The following GPR176 variants were observed in gnomAD, a reference collection of about 807,000 sequenced individuals.
The protein encoded by GPR176 is G protein-coupled receptor 176.
GPR176 carries 26 observed loss-of-function variants against 35.4 expected under a neutral mutation model. The observed-to-expected ratio is 0.74, with a 90% confidence interval of 0.54 to 1.02. The LOEUF is 1.02. Ranked by LOEUF, GPR176 falls within the 50% of genes least tolerant of loss-of-function variation. The pLI is 0.00. For missense variants in GPR176, 597 were observed against 665.3 expected, an observed-to-expected ratio of 0.90 and a Z score of 1.13; for synonymous variants, 278 against 271.3, an observed-to-expected ratio of 1.02 and a Z score of -0.24.
intron 1 of GPR176, among the ~76,000 whole-genome samples, chr15:39,878,974 G>A (rs556966637): frequency 2.3e-4 from 35 of 152,242 alleles, no homozygotes; most frequent in Non-Finnish European, 2.2e-4. Context: ...GAGAGTAGGC[G>A]TTGCTGGATG....
At chr15:39,834,673 C>T (rs1352825933) in intron 1 of GPR176, among the ~76,000 whole-genome samples, 1 of 152,130 alleles carries the variant, frequency 6.6e-6, no homozygotes, top group Non-Finnish European at 1.5e-5. Flanking sequence ...GTGAAGTAAT[C>T]CAAGCACAGA....
intron 1 of GPR176, among the ~76,000 whole-genome samples, chr15:39,859,155 T>C (rs939835900): frequency 2.6e-5 from 4 of 152,106 alleles, no homozygotes; most frequent in East Asian, 1.9e-4. Context: ...TAAAAGATTA[T>C]AAAATGAGTA....
chr15:39,919,040 T>C (rs890248593), intron 1 of GPR176, among the ~76,000 whole-genome samples: 3 of 152,182 alleles, frequency 2.0e-5, no homozygotes, highest in African/African-American at 4.8e-5. Flanking sequence ...GAAATGAATA[T>C]TGCTTGTATC....
intron 1 of GPR176, chr15:39,862,501 C>T (rs2031643359): frequency 6.6e-6 from 1 of 152,212 alleles, no homozygotes; most frequent in Admixed American, 6.5e-5. Flanking sequence ...AGGTCACACA[C>T]TTGCAACAAT....
chr15:39,852,841 A>G (rs925750324), intron 1 of GPR176, among the ~76,000 whole-genome samples: 8 of 152,292 alleles, frequency 5.3e-5, no homozygotes, highest in African/African-American at 1.9e-4. Flanking sequence ...TTTGGCACAT[A>G]ATAGGCACTC....
chr15:39,803,933 T>C (rs1899041921), intron 2 of GPR176, among the ~76,000 whole-genome samples: 1 of 152,162 alleles, frequency 6.6e-6, no homozygotes, highest in African/African-American at 2.4e-5. Context: ...GTTCTAGATT[T>C]CTTTCTGGGA....
chr15:39,838,659 A>T (rs1201189654), intron 1 of GPR176, among the ~76,000 whole-genome samples: 2 of 152,178 alleles, frequency 1.3e-5, no homozygotes, highest in Non-Finnish European at 2.9e-5. Flanking sequence ...CTCTGAATAA[A>T]CTAGGTATTG....
intron 1 of GPR176, among the ~76,000 whole-genome samples, chr15:39,834,751 A>AT (rs1329601319): frequency 6.6e-6 from 1 of 152,186 alleles, no homozygotes; most frequent in African/African-American, 2.4e-5. Context: ...ACGCATGGAG[A>AT]TAGAGAGTAG....
intron 1 of GPR176, chr15:39,807,498 A>T: frequency 7.3e-7 from 1 of 1,373,370 alleles, no homozygotes; most frequent in Non-Finnish European, 9.6e-7. Context: ...TCTCTATTTA[A>T]TTTTGGGCAA....
At chr15:39,828,336 C>T (rs1258669173) in intron 1 of GPR176, among the ~76,000 whole-genome samples, 1 of 152,166 alleles carries the variant, frequency 6.6e-6, no homozygotes, top group African/African-American at 2.4e-5. Flanking sequence ...ATCTCGTTGA[C>T]ACTAACATGT....
rs10639301 is a variant in GPR176 at position 39,911,048 on chromosome 15, TAAATAAAATA to T, written c.172+8797_172+8806del. On this transcript the variant is annotated intron_variant, in intron 1 of 2. Transcript: ENST00000561100. ...GAGACTCTGTATCAAAAAAATAAAATAAATAAAATAAAATAAAATAAAATAATATATGAAA... is the reference window on the plus strand; with the variant it reads ...GAGACTCTGTATCAAAAAAATAAAATAAATAAAATAAAATAATATATGAAA... 3.6e-4 allele frequency among the ~76,000 whole-genome samples: 54 copies of T among 151,350 alleles called. 1 individual carries two copies. Among genetic ancestry groups the T allele is most frequent in the East Asian group, 1.2e-3 (6 of 5,170 alleles).
chr15:39,862,693 T>C (rs2031653103), intron 1 of GPR176, among the ~76,000 whole-genome samples: 1 of 152,242 alleles, frequency 6.6e-6, no homozygotes, highest in Non-Finnish European at 1.5e-5. Context: ...GTGGTGATGC[T>C]GGTGTGAACA....
intron 1 of GPR176, among the ~76,000 whole-genome samples, chr15:39,893,105 TA>T (rs551758167): frequency 0.02 from 3,068 of 150,894 alleles, 29 homozygotes; most frequent in Non-Finnish European, 0.03. Flanking sequence ...CTTTTTTTTT[TA>T]AATTTATTTA....
intron 1 of GPR176, among the ~76,000 whole-genome samples, chr15:39,811,748 C>T (rs1478345678): frequency 6.6e-6 from 1 of 152,060 alleles, no homozygotes; most frequent in Admixed American, 6.6e-5. Context: ...AACCCCGTCT[C>T]TACTAAAAAT....
Position 39,802,267 on chromosome 15 carries a change from C to G in GPR176, c.426-13G>C. ...GACTGAGTAGTACCTGCAAGATACA[C>G]AAACAAAATTAATTCCACAGAAGAT... On this transcript the variant is annotated splice_polypyrimidine_tract_variant and intron_variant, in intron 2 of 2. Transcript: ENST00000561100. The G allele has an allele frequency of 6.5e-7, 1 of 1,548,916 alleles. No individual in the cohort carries two copies. The highest frequency in any genetic ancestry group is 8.7e-7 in the Non-Finnish European group (1 of 1,145,070).
intron 1 of GPR176, among the ~76,000 whole-genome samples, chr15:39,841,933 T>C (rs1334796907): frequency 1.3e-5 from 2 of 152,122 alleles, no homozygotes; most frequent in African/African-American, 2.4e-5. Flanking sequence ...TGCAACTTAA[T>C]ACATTAAGAT....
chr15:39,885,011 A>C (rs920193112), intron 1 of GPR176, among the ~76,000 whole-genome samples: 1 of 152,156 alleles, frequency 6.6e-6, no homozygotes, highest in Non-Finnish European at 1.5e-5. Context: ...CAAGTCAAAA[A>C]CCATCAACTT....
Position 39,908,629 on chromosome 15 carries a change from C to G in GPR176, c.172+11226G>C, listed in dbSNP as rs556978838. Among the ~76,000 whole-genome samples, 14 of 150,676 alleles carry G rather than the reference C, an allele frequency of 9.3e-5. 1 individual carries two copies. The highest frequency in any genetic ancestry group is 4.0e-4 in the Admixed American group (6 of 15,078). On this transcript the variant is annotated intron_variant, in intron 1 of 2. Coordinates refer to ENST00000561100, the MANE Select transcript of GPR176 (RefSeq NM_007223.3). Reference sequence around the variant, plus strand: ...ATTAGGCTCAGGCCCTCCAGGGATACAAACAATATCATCAGGATTCATTCT... The same window carrying G: ...ATTAGGCTCAGGCCCTCCAGGGATAGAAACAATATCATCAGGATTCATTCT...
chr15:39,834,479 A>G (rs1461923653), intron 1 of GPR176, among the ~76,000 whole-genome samples: 1 of 152,202 alleles, frequency 6.6e-6, no homozygotes, highest in Non-Finnish European at 1.5e-5. Flanking sequence ...ATCTCCCTAG[A>G]GTCATTATAC....
Sources: gnomAD v4.1 joint callset for allele counts (sites outside exome capture counted in the v4.1 genomes callset) on GRCh38, gnomAD v4.1.1 for gene constraint, MANE v1.5 for transcripts, NCBI Gene and HGNC (gene_info 2026-07-23, HGNC 2026-07-21) for gene names.